GADD45A: variants seen among roughly 807,000 people sequenced by gnomAD.
GADD45A encodes the protein growth arrest and DNA damage inducible alpha, also known as growth arrest and DNA damage-inducible protein GADD45 alpha.
In GADD45A, 9 loss-of-function variants were observed where a neutral mutation model predicts 17.7. The ratio of observed to expected loss-of-function variants is 0.51; its 90% confidence interval spans 0.31 to 0.89. The LOEUF (loss-of-function observed/expected upper bound fraction) is 0.89. Among genes scored for constraint, GADD45A ranks in the 40% least tolerant of loss-of-function variants. GADD45A has a pLI of 0.05. For synonymous variants in GADD45A, 95 were observed against 92.2 expected, an observed-to-expected ratio of 1.03 and a Z score of -0.17; for missense variants, 149 against 220.6, an observed-to-expected ratio of 0.68 and a Z score of 2.06.
At position 67,687,719 on chromosome 1, in the gene GADD45A, G is replaced by C. The variant is rs1199409701; in HGVS notation, c.443G>C (p.Arg148Pro). The C allele has an allele frequency of 6.2e-7, 1 of 1,613,168 alleles. No individual in the cohort carries two copies. The highest frequency in any genetic ancestry group is 1.3e-5 in the African/African-American group (1 of 74,874). Residue 148 changes from arginine to proline, a missense_variant, in exon 4 of 4, where the codon CGG becomes CCG. By Grantham distance (103) the Arg-to-Pro change is moderately radical. Transcript: ENST00000370986. ...PALSQLICFC[R>P]ESRYMDQWVP... ...TTAAGTCAACTTATTTGTTTTTGCC[G>C]GGAAAGTCGCTACATGGATCAATGG...
chr1:67,685,954 G>T, intron 1 of GADD45A, 71 bp from the exon 2 acceptor site: 2 of 991,764 alleles, frequency 2.0e-6, no homozygotes, highest in South Asian at 1.5e-5. Context: ...GCGTGGTACC[G>T]GACGAGGGGG....
chr1:67,685,737 G>A (rs953889407), intron 1 of GADD45A, 199 bp downstream of exon 1: 6 of 630,942 alleles, frequency 9.5e-6, no homozygotes, highest in East Asian at 5.7e-5. Context: ...AACGAGCCCC[G>A]CCGGGGCCTT....
chr1:67,685,868 G>T (rs1056725344), intron 1 of GADD45A, 157 bp from the exon 2 acceptor site: 2 of 603,122 alleles, frequency 3.3e-6, no homozygotes, highest in African/African-American at 1.9e-5. Context: ...GGGTCATGGG[G>T]GGTGACGGGG....
chr1:67,687,791 A>G lies in GADD45A; in HGVS notation c.*17A>G. Reference sequence around the variant, plus strand: ...GAACGGTGATGGCATCTGAATGAAAATAACTGAACCAAATTGCACTGAAGT... The same window carrying G: ...GAACGGTGATGGCATCTGAATGAAAGTAACTGAACCAAATTGCACTGAAGT... On this transcript the variant is annotated 3_prime_UTR_variant, in exon 4 of 4. Transcript: ENST00000370986. 6.7e-7 allele frequency: 1 copy of G among 1,500,378 alleles called. No individual in the cohort carries two copies. Among genetic ancestry groups the G allele is most frequent in the Non-Finnish European group, 9.3e-7 (1 of 1,077,780 alleles). 92.9% of individuals were successfully genotyped at this position (1,500,378 alleles called of 1,614,324 possible). A position where few individuals can be genotyped will look rare whatever the true frequency, so the allele number is the denominator to read the frequency against.
chr1:67,685,231 C>A lies in GADD45A; in HGVS notation c.-264C>A. 2.1e-6 allele frequency: 1 copy of A among 476,412 alleles called. No homozygotes were observed. The highest frequency in any genetic ancestry group is 3.7e-6 in the Non-Finnish European group (1 of 270,656). The allele number at this position is 476,412 out of a possible 1,614,324, so 29.5% of individuals were successfully genotyped here. Reference sequence around the variant, plus strand: ...CTGGTAGGCAGTGGCTGGGAGGCAGCGGCCCAATTAGTGTCGTGCGGCCCG... The same window carrying A: ...CTGGTAGGCAGTGGCTGGGAGGCAGAGGCCCAATTAGTGTCGTGCGGCCCG... On this transcript the variant is annotated 5_prime_UTR_variant, in exon 1 of 4. Coordinates refer to ENST00000370986, the MANE Select transcript of GADD45A (RefSeq NM_001924.4).
intron 1 of GADD45A, chr1:67,685,784 C>T: frequency 1.7e-6 from 1 of 596,940 alleles, no homozygotes; most frequent in Non-Finnish European, 3.0e-6. Context: ...GCCCGTGCGG[C>T]TCCCGTGGCT....
Position 67,686,591 on chromosome 1 carries a change from A to T in GADD45A, c.384+4A>T. The T allele has an allele frequency of 6.2e-7, 1 of 1,608,884 alleles. No homozygotes were observed. The highest frequency in any genetic ancestry group is 8.5e-7 in the Non-Finnish European group (1 of 1,177,294). The stretch of plus-strand genomic sequence containing the variant: ...CCTGCACTGCGTGCTGGTGACGGTA[A>T]GGGACTGGGGGACTGCAGCCTGCAG... On this transcript the variant is annotated splice_donor_region_variant and intron_variant, in intron 3 of 3. Coordinates refer to ENST00000370986, the MANE Select transcript of GADD45A (RefSeq NM_001924.4).
Position 67,686,037 on chromosome 1 carries a change from G to C in GADD45A, c.57G>C (p.Val19=), listed in dbSNP as rs772507686. The C allele has an allele frequency of 7.5e-6, 12 of 1,605,926 alleles. No individual in the cohort carries two copies. The highest frequency in any genetic ancestry group is 1.7e-4 in the Middle Eastern group (1 of 6,030). The change falls in exon 2 of 4, where the codon GTG becomes GTC. Residue 19 remains valine, a synonymous_variant. Transcript: ENST00000370986. ...GEQKTERMDK[V]GDALEEVLSK... The stretch of plus-strand genomic sequence containing the variant: ...TGCCCGCGTGTAGGATGGATAAGGT[G>C]GGGGATGCCCTGGAGGAAGTGCTCA...
chr1:67,686,199 G>T, intron 2 of GADD45A, 73 bp downstream of exon 2: 1 of 1,396,180 alleles, frequency 7.2e-7, no homozygotes, highest in Non-Finnish European at 9.9e-7. Flanking sequence ...TTGGCTGGGC[G>T]CCCCTCGCCC....
At chr1:67,687,384 C>T (rs904906153) in intron 3 of GADD45A, among the ~76,000 whole-genome samples, 9 of 152,316 alleles carry the variant, frequency 5.9e-5, no homozygotes, top group African/African-American at 2.2e-4. Flanking sequence ...ATGATACTCT[C>T]ATGCAAAACT....
intron 3 of GADD45A, 22 bp from the exon 4 acceptor site, chr1:67,687,635 GTTTA>G (rs752064617): frequency 7.4e-7 from 1 of 1,354,790 alleles, no homozygotes; most frequent in East Asian, 2.3e-5. Context: ...TTTAAAATAA[GTTTA>G]TTTTTATAAA....
Position 67,686,032 on chromosome 1 carries a change from A to G in GADD45A, c.52A>G (p.Lys18Glu), listed in dbSNP as rs1570457844. 2.5e-6 allele frequency: 4 copies of G among 1,602,868 alleles called. No individual in the cohort carries two copies. Among genetic ancestry groups the G allele is most frequent in the Middle Eastern group, 3.3e-4 (2 of 6,022 alleles). ...AGEQKTERMD[K>E]VGDALEEVLS... ...GCCCTTGCCCGCGTGTAGGATGGAT[A>G]AGGTGGGGGATGCCCTGGAGGAAGT... The change falls in exon 2 of 4, where the codon AAG becomes GAG. Residue 18 changes from lysine to glutamate, a missense_variant. Lys to Glu is a moderately conservative substitution (Grantham distance 56). Transcript: ENST00000370986.
chr1:67,685,291 C>A lies in GADD45A; in HGVS notation c.-204C>A. 1 of 525,226 alleles carries A rather than the reference C, an allele frequency of 1.9e-6. No homozygotes were observed. Among genetic ancestry groups the A allele is most frequent in the South Asian group, 2.5e-5 (1 of 40,626 alleles). The allele number at this position is 525,226 out of a possible 1,614,324, so 32.5% of individuals were successfully genotyped here. A position where few individuals can be genotyped will look rare whatever the true frequency, so the allele number is the denominator to read the frequency against. Reference sequence around the variant, plus strand: ...GAGGTCCGGGGAGCGAGCGAGCAAGCAAGGCGGGAGGGGTGGCCGGAGCTG... The same window carrying A: ...GAGGTCCGGGGAGCGAGCGAGCAAGAAAGGCGGGAGGGGTGGCCGGAGCTG... On this transcript the variant is annotated 5_prime_UTR_variant, in exon 1 of 4. Coordinates refer to ENST00000370986, the MANE Select transcript of GADD45A (RefSeq NM_001924.4).
rs201679820 is a variant in GADD45A, at chr1:67,686,558, C to T, written c.355C>T (p.Pro119Ser). Reference protein sequence around the residue: ...GPAASEGAEQPPDLHCVLVTN... With the variant: ...GPAASEGAEQSPDLHCVLVTN... ...CGCGGCGAGCGAGGGCGCCGAGCAG[C>T]CCCCGGACCTGCACTGCGTGCTGGT... Residue 119 changes from proline to serine, a missense_variant, in exon 3 of 4, where the codon CCC becomes TCC. Transcript: ENST00000370986. The T allele has an allele frequency of 1.2e-6, 2 of 1,611,758 alleles. No individual in the cohort carries two copies. The highest frequency in any genetic ancestry group is 2.2e-5 in the East Asian group (1 of 44,828).
In GADD45A at chr1:67,685,455, C is replaced by T. The variant is rs1213013817; in HGVS notation, c.-40C>T. 1 of 1,586,258 alleles carries T rather than the reference C, an allele frequency of 6.3e-7. No homozygotes were observed. The highest frequency in any genetic ancestry group is 1.3e-5 in the African/African-American group (1 of 74,288). The stretch of plus-strand genomic sequence containing the variant: ...CGCTAGCCGTGGCAGGAGCAGCCCG[C>T]ACGCCGCGCTCTCTCCCTGGGCGAC... On this transcript the variant is annotated 5_prime_UTR_variant, in exon 1 of 4. Transcript: ENST00000370986.
chr1:67,685,969 C>T (rs1425589999), intron 1 of GADD45A, 56 bp from the exon 2 acceptor site: 11 of 1,164,808 alleles, frequency 9.4e-6, no homozygotes, highest in Admixed American at 4.6e-5. Flanking sequence ...AGGGGGGCGG[C>T]GATGGCCCCG....
At chr1:67,685,644 T>C (rs1456038706) in intron 1 of GADD45A, 106 bp downstream of exon 1, 1 of 1,149,018 alleles carries the variant, frequency 8.7e-7, no homozygotes, top group Non-Finnish European at 1.3e-6. Flanking sequence ...GCTAAAAAGT[T>C]TGCACAGGGC....
chr1:67,685,690 A>C (rs1231750992), intron 1 of GADD45A, 152 bp downstream of exon 1: 5 of 756,746 alleles, frequency 6.6e-6, no homozygotes, highest in African/African-American at 1.8e-5. Context: ...CTCTCCGTGG[A>C]GCTCCCACGG....
chr1:67,686,453 G>A lies in GADD45A; in HGVS notation c.250G>A (p.Glu84Lys). ...HFTLIQAFCC[E>K]NDINILRVSN... ...CACCCTGATCCAGGCGTTTTGCTGC[G>A]AGAACGACATCAACATCCTGCGCGT... Residue 84 changes from glutamate to lysine, a missense_variant, in exon 3 of 4, where the codon GAG becomes AAG. By Grantham distance (56) the Glu-to-Lys change is moderately conservative (BLOSUM62 1). Coordinates refer to ENST00000370986, the MANE Select transcript of GADD45A (RefSeq NM_001924.4). 1 of 1,613,854 alleles carries A rather than the reference G, an allele frequency of 6.2e-7. No homozygotes were observed. Among genetic ancestry groups the A allele is most frequent in the Non-Finnish European group, 8.5e-7 (1 of 1,179,870 alleles).
Sources: allele counts gnomAD v4.1 joint callset (sites outside exome capture counted in the v4.1 genomes callset), GRCh38; gene constraint gnomAD v4.1.1; transcripts MANE v1.5; gene names NCBI Gene and HGNC (gene_info 2026-07-23, HGNC 2026-07-21).